The following L3MBTL4 variants were observed in gnomAD, a reference collection of about 807,000 sequenced individuals.
L3MBTL4 encodes the protein L3MBTL histone methyl-lysine binding protein 4.
L3MBTL4 carries 70 observed loss-of-function variants against 84.5 expected under a neutral mutation model. That is an observed-to-expected ratio of 0.83 (90% CI 0.68 to 1.01). L3MBTL4 has a LOEUF of 1.01. Among genes scored for constraint, L3MBTL4 ranks in the 50% least tolerant of loss-of-function variants. The pLI, the probability that L3MBTL4 is intolerant of heterozygous loss-of-function variation, is 0.00. For missense variants in L3MBTL4, 715 were observed against 754.8 expected (o/e 0.95, Z 0.62); for synonymous variants, 274 against 259.8 (o/e 1.05, Z -0.52).
chr18:5,969,461 G>T lies in L3MBTL4; in HGVS notation c.1546C>A (p.His516Asn). The change falls in exon 17 of 19, where the codon CAC (histidine) becomes AAC (asparagine). Residue 516 changes from histidine to asparagine, a missense_variant. Coordinates refer to ENST00000317931, the MANE Select transcript of L3MBTL4 (RefSeq NM_001330559.2). ...FRDLPLGREQ[H>N]CKLLPGVADI... Reference sequence around the variant, plus strand: ...GCCACGCCTGGAAGCAACTTGCAGTGTTGCTCCCTGCCGAGGGGAAGGTCC... The same window carrying T: ...GCCACGCCTGGAAGCAACTTGCAGTTTTGCTCCCTGCCGAGGGGAAGGTCC... 6.2e-7 allele frequency: 1 copy of T among 1,614,014 alleles called. No homozygotes were observed. The highest frequency in any genetic ancestry group is 8.5e-7 in the Non-Finnish European group (1 of 1,180,024).
chr18:6,328,004 T>C (rs2051819338), intron 1 of L3MBTL4, among the ~76,000 whole-genome samples: 1 of 152,250 alleles, frequency 6.6e-6, no homozygotes, highest in Non-Finnish European at 1.5e-5. Flanking sequence ...ATCATCCCTG[T>C]AACTGCATTT....
chr18:6,038,819 G>A (rs2056269509), intron 16 of L3MBTL4, among the ~76,000 whole-genome samples: 1 of 152,072 alleles, frequency 6.6e-6, no homozygotes, highest in Admixed American at 6.6e-5. Context: ...ATTAGGTATT[G>A]TGGATTGAAT....
intron 13 of L3MBTL4, among the ~76,000 whole-genome samples, chr18:6,162,383 TAAAAC>T (rs1206562464): frequency 6.6e-6 from 1 of 152,024 alleles, no homozygotes; most frequent in East Asian, 1.9e-4. Context: ...ACAACAAAAA[TAAAAC>T]AAAAGAGTTC....
At chr18:6,134,451 C>T (rs1460837790) in intron 14 of L3MBTL4, among the ~76,000 whole-genome samples, 1 of 152,182 alleles carries the variant, frequency 6.6e-6, no homozygotes, top group Non-Finnish European at 1.5e-5. Flanking sequence ...TCCAAAGTCT[C>T]ATCTGAAACA....
chr18:6,000,703 A>G (rs1450043043), intron 16 of L3MBTL4, among the ~76,000 whole-genome samples: 1 of 152,220 alleles, frequency 6.6e-6, no homozygotes, highest in Non-Finnish European at 1.5e-5. Context: ...AGGGCATACC[A>G]TGTGCCACAT....
chr18:6,233,861 C>A (rs949951739), intron 10 of L3MBTL4, among the ~76,000 whole-genome samples: 2 of 152,104 alleles, frequency 1.3e-5, no homozygotes, highest in Non-Finnish European at 2.9e-5. Flanking sequence ...ATTGTCAAGA[C>A]AATCCTAAGC....
intron 14 of L3MBTL4, among the ~76,000 whole-genome samples, chr18:6,121,918 CT>C (rs1398278028): frequency 6.6e-6 from 1 of 152,118 alleles, no homozygotes; most frequent in African/African-American, 2.4e-5. Context: ...TAAAATCTTC[CT>C]AATCTACAAG....
At chr18:6,045,618 G>A (rs1374141437) in intron 16 of L3MBTL4, among the ~76,000 whole-genome samples, 3 of 152,136 alleles carry the variant, frequency 2.0e-5, no homozygotes, top group African/African-American at 7.2e-5. Flanking sequence ...TCACCATCAT[G>A]AGAACAGCAT....
chr18:6,376,110 C>G lies in L3MBTL4; in HGVS notation c.-91+38691G>C, dbSNP rs148417389. Among the ~76,000 whole-genome samples the G allele has an allele frequency of 4.4e-3, 677 of 152,308 alleles. 4 individuals carry two copies. Among genetic ancestry groups the G allele is most frequent in the African/African-American group, 0.015 (639 of 41,562 alleles). On this transcript the variant is annotated intron_variant, in intron 1 of 18. Coordinates refer to ENST00000317931, the MANE Select transcript of L3MBTL4 (RefSeq NM_001330559.2). ...AGCTCTCCGACCCCACTGTCTCAGTCTGCTTTCTCCCTGCTCGCCTCACTG... is the reference window on the plus strand; with the variant it reads ...AGCTCTCCGACCCCACTGTCTCAGTGTGCTTTCTCCCTGCTCGCCTCACTG...
chr18:6,264,153 GAC>G lies in L3MBTL4; in HGVS notation c.128-117_128-116del, dbSNP rs759861916. On this transcript the variant is annotated intron_variant, in intron 4 of 18. Transcript: ENST00000317931. Reference sequence around the variant, plus strand: ...TAATTAGTTAAATTGGTAGTTGAAAGACCCAGCAACTAAGAAGAGTCTTCTCT... The same window carrying G: ...TAATTAGTTAAATTGGTAGTTGAAAGCCAGCAACTAAGAAGAGTCTTCTCT... 3.3e-5 allele frequency: 24 copies of G among 728,318 alleles called. No homozygotes were observed. In the East Asian group the frequency reaches 4.3e-4, roughly 13 times the overall value. The allele number at this position is 728,318 out of a possible 1,614,324, so 45.1% of individuals were successfully genotyped here.
chr18:6,344,791 T>G (rs2052793353), intron 1 of L3MBTL4, among the ~76,000 whole-genome samples: 1 of 151,842 alleles, frequency 6.6e-6, no homozygotes, highest in Non-Finnish European at 1.5e-5. Context: ...TCGTGATCAT[T>G]TCAATAAATG....
intron 1 of L3MBTL4, among the ~76,000 whole-genome samples, chr18:6,406,169 C>T (rs2055726813): frequency 2.0e-5 from 3 of 152,324 alleles, no homozygotes; most frequent in Admixed American, 2.0e-4. Flanking sequence ...TAGAAAACCT[C>T]GTGGACTGGA....
chr18:6,008,543 G>A lies in L3MBTL4; in HGVS notation c.1445-38981C>T, dbSNP rs371704354. On this transcript the variant is annotated intron_variant, in intron 16 of 18. Coordinates refer to ENST00000317931, the MANE Select transcript of L3MBTL4 (RefSeq NM_001330559.2). ...CACGTGGCCTTTCCTAGGTGTGTGT[G>A]TGGAAGGAGAAAGAGCTCTTATGTT... 3.3e-5 allele frequency among the ~76,000 whole-genome samples: 5 copies of A among 152,182 alleles called. No homozygotes were observed. In the South Asian group the frequency reaches 8.3e-4, roughly 25 times the overall value.
At chr18:6,258,171 G>T (rs935355890) in intron 5 of L3MBTL4, among the ~76,000 whole-genome samples, 7 of 152,228 alleles carry the variant, frequency 4.6e-5, no homozygotes, top group Non-Finnish European at 1.0e-4. Context: ...ACCACATGCA[G>T]TAAGGGACTG....
intron 1 of L3MBTL4, among the ~76,000 whole-genome samples, chr18:6,353,599 A>T (rs2053302469): frequency 6.6e-6 from 1 of 152,174 alleles, no homozygotes; most frequent in Non-Finnish European, 1.5e-5. Flanking sequence ...AAGTTGCAGG[A>T]TACTAAATCA....
chr18:6,376,775 A>G (rs764370493), intron 1 of L3MBTL4, among the ~76,000 whole-genome samples: 17 of 152,146 alleles, frequency 1.1e-4, no homozygotes, highest in Non-Finnish European at 2.1e-4. Flanking sequence ...GTCCTCAACT[A>G]CTTTCCTTAC....
At chr18:5,992,158 G>A (rs1156911631) in intron 16 of L3MBTL4, among the ~76,000 whole-genome samples, 1 of 152,188 alleles carries the variant, frequency 6.6e-6, no homozygotes, top group Non-Finnish European at 1.5e-5. Context: ...AGGTACGTGC[G>A]AGGAGGACAG....
At chr18:6,107,406 C>G (rs1196472708) in intron 14 of L3MBTL4, among the ~76,000 whole-genome samples, 1 of 152,126 alleles carries the variant, frequency 6.6e-6, no homozygotes, top group East Asian at 1.9e-4. Context: ...AGACAACGGT[C>G]TGGAAGATCA....
chr18:5,987,226 G>C (rs910590227), intron 16 of L3MBTL4, among the ~76,000 whole-genome samples: 1 of 152,196 alleles, frequency 6.6e-6, no homozygotes, highest in African/African-American at 2.4e-5. Context: ...ACTTCCCTAG[G>C]GAAGGGAAAA....
Sources: gnomAD v4.1 joint callset for allele counts (sites outside exome capture counted in the v4.1 genomes callset) on GRCh38, gnomAD v4.1.1 for gene constraint, MANE v1.5 for transcripts, NCBI Gene and HGNC (gene_info 2026-07-23, HGNC 2026-07-21) for gene names.